Variants in PCDHA11 observed in about 807,000 individuals in gnomAD.
The protein encoded by PCDHA11 is protocadherin alpha 11, also known as protocadherin alpha-11.
A neutral mutation model predicts 70.3 loss-of-function variants in PCDHA11; 61 were observed. That is an observed-to-expected ratio of 0.87 (90% CI 0.71 to 1.07). The LOEUF is 1.07. Ranked by LOEUF, PCDHA11 falls within the 50% of genes least tolerant of loss-of-function variation. The probability of loss-of-function intolerance (pLI) is 0.00; values close to 1 mark genes in which losing one functional copy is unlikely to be tolerated. For synonymous variants in PCDHA11, 633 were observed against 555.1 expected, an observed-to-expected ratio of 1.14 and a Z score of -1.97; for missense variants, 1,324 against 1,237.5, an observed-to-expected ratio of 1.07 and a Z score of -1.05.
intron 1 of PCDHA11, among the ~76,000 whole-genome samples, chr5:140,970,696 C>T (rs2096425637): frequency 6.6e-6 from 1 of 152,144 alleles, no homozygotes; most frequent in Admixed American, 6.5e-5. Flanking sequence ...GCTTTTAGAG[C>T]TACTACACAA....
chr5:140,988,866 C>T (rs1364853349), intron 3 of PCDHA11: 2 of 152,170 alleles, frequency 1.3e-5, no homozygotes, highest in Non-Finnish European at 2.9e-5. Context: ...CTCATGTGCA[C>T]TCAGATGTAC....
At chr5:141,005,594 C>T (rs534928198) in intron 3 of PCDHA11, among the ~76,000 whole-genome samples, 10 of 147,680 alleles carry the variant, frequency 6.8e-5, no homozygotes, top group African/African-American at 1.8e-4. Flanking sequence ...CCCAGCTACA[C>T]AGGAGGCTGA....
intron 1 of PCDHA11, among the ~76,000 whole-genome samples, chr5:140,917,038 C>T (rs1342700377): frequency 6.6e-6 from 1 of 152,168 alleles, no homozygotes; most frequent in African/African-American, 2.4e-5. Context: ...CTGAGTCCAG[C>T]ACAGTGTTGT....
At chr5:140,910,925 TA>T (rs2075234137) in intron 1 of PCDHA11, among the ~76,000 whole-genome samples, 2 of 152,226 alleles carry the variant, frequency 1.3e-5, no homozygotes, top group South Asian at 4.2e-4. Flanking sequence ...CTTATATAAA[TA>T]AGAAAGCTCA....
At chr5:140,924,662 A>C (rs891233024) in intron 1 of PCDHA11, among the ~76,000 whole-genome samples, 6 of 152,166 alleles carry the variant, frequency 3.9e-5, no homozygotes, top group Non-Finnish European at 5.9e-5. Flanking sequence ...TGGGAGGCCG[A>C]GGCAGGCCAA....
intron 3 of PCDHA11, among the ~76,000 whole-genome samples, chr5:140,996,747 T>C (rs940274322): frequency 1.3e-5 from 2 of 152,190 alleles, no homozygotes; most frequent in Non-Finnish European, 2.9e-5. Flanking sequence ...TAACAAATTA[T>C]ATCTGTGCAG....
chr5:140,902,621 TATTTAGTGGTG>T (rs2069605868), intron 1 of PCDHA11, among the ~76,000 whole-genome samples: 1 of 152,154 alleles, frequency 6.6e-6, no homozygotes, highest in Non-Finnish European at 1.5e-5. Context: ...ATGGGTAAGT[TATTTAGTGGTG>T]ATTTCTGAGA....
Position 140,992,419 on chromosome 5 carries a change from A to C in PCDHA11, c.2539+9856A>C, listed in dbSNP as rs554370784. The stretch of plus-strand genomic sequence containing the variant: ...GAGATATTGTTCTGCCCCAGGTCTA[A>C]GAATATTGTTCCAAGAGTTGGGAGC... On this transcript the variant is annotated intron_variant, in intron 3 of 3. Transcript: ENST00000398640. Among the ~76,000 whole-genome samples the C allele has an allele frequency of 3.3e-5, 5 of 152,318 alleles. No individual in the cohort carries two copies. In the East Asian group the frequency reaches 7.7e-4, roughly 23 times the overall value.
intron 1 of PCDHA11, chr5:140,881,964 A>G (rs1297923565): frequency 8.1e-6 from 3 of 368,944 alleles, no homozygotes; most frequent in East Asian, 9.0e-5. Context: ...TTAATCTTCA[A>G]TTACATATTT....
At chr5:140,979,922 A>T (rs1317860679) in intron 2 of PCDHA11, among the ~76,000 whole-genome samples, 1 of 152,276 alleles carries the variant, frequency 6.6e-6, no homozygotes, top group Non-Finnish European at 1.5e-5. Flanking sequence ...GAGAAAGCCT[A>T]CAAAGTATGT....
At chr5:140,976,424 G>A (rs2096715736) in intron 1 of PCDHA11, among the ~76,000 whole-genome samples, 1 of 152,114 alleles carries the variant, frequency 6.6e-6, no homozygotes, top group Non-Finnish European at 1.5e-5. Flanking sequence ...GGTGGCAGAT[G>A]CCTGTAATCC....
At chr5:140,877,258 G>A in intron 1 of PCDHA11, 1 of 1,613,780 alleles carries the variant, frequency 6.2e-7, no homozygotes, top group South Asian at 1.1e-5. Flanking sequence ...GAAAGTGCGC[G>A]CGGTGGACGC....
chr5:140,905,826 T>C (rs782149349), intron 1 of PCDHA11, among the ~76,000 whole-genome samples: 8 of 152,170 alleles, frequency 5.3e-5, no homozygotes, highest in Non-Finnish European at 7.3e-5. Flanking sequence ...TAGATGTGTA[T>C]ATAAAGGGGA....
chr5:140,973,493 C>T (rs1050229284), intron 1 of PCDHA11, among the ~76,000 whole-genome samples: 1 of 152,116 alleles, frequency 6.6e-6, no homozygotes, highest in African/African-American at 2.4e-5. Context: ...TCACAGGACT[C>T]TTCTTCTGAG....
chr5:140,957,385 A>G (rs1166781130), intron 1 of PCDHA11, among the ~76,000 whole-genome samples: 1 of 152,192 alleles, frequency 6.6e-6, no homozygotes, highest in Non-Finnish European at 1.5e-5. Flanking sequence ...GTGTATTGTT[A>G]TAATTGTCCT....
chr5:140,982,802 T>G (rs2153829847), intron 3 of PCDHA11, among the ~76,000 whole-genome samples: 1 of 152,122 alleles, frequency 6.6e-6, no homozygotes, highest in South Asian at 2.1e-4. Context: ...TGCATGTGTG[T>G]GTGTGTGTAT....
Position 140,913,941 on chromosome 5 carries a change from C to T in PCDHA11, c.2391+42447C>T, listed in dbSNP as rs950871389. ...TACTTCATTGTGGTCAGAGAAGAAT[C>T]TTGATATGATATCATTTTTAAAAAA... On this transcript the variant is annotated intron_variant, in intron 1 of 3. Transcript: ENST00000398640. Among the ~76,000 whole-genome samples, 3 of 152,102 alleles carry T rather than the reference C, an allele frequency of 2.0e-5. No homozygotes were observed. In the East Asian group the frequency reaches 5.8e-4, roughly 29 times the overall value.
At chr5:140,999,143 A>G (rs2097848811) in intron 3 of PCDHA11, among the ~76,000 whole-genome samples, 1 of 152,214 alleles carries the variant, frequency 6.6e-6, no homozygotes, top group Non-Finnish European at 1.5e-5. Context: ...CACAGCCGGA[A>G]GTCTTCAGTC....
intron 1 of PCDHA11, among the ~76,000 whole-genome samples, chr5:140,902,447 G>A (rs1004773008): frequency 2.6e-5 from 4 of 152,024 alleles, no homozygotes; most frequent in Non-Finnish European, 4.4e-5. Flanking sequence ...TCATATTCTA[G>A]ATCCTAGAGA....
Sources: allele counts gnomAD v4.1 joint callset (sites outside exome capture counted in the v4.1 genomes callset), GRCh38; gene constraint gnomAD v4.1.1; transcripts MANE v1.5; gene names NCBI Gene and HGNC (gene_info 2026-07-23, HGNC 2026-07-21).